The following ROR1 variants were observed in gnomAD, a reference collection of about 807,000 sequenced individuals.
ROR1 encodes the protein ROR family WNT receptor 1, also known as inactive tyrosine-protein kinase transmembrane receptor ROR1.
ROR1 carries 19 observed loss-of-function variants against 78.8 expected under a neutral mutation model. The observed-to-expected ratio is 0.24, with a 90% CI of 0.17 to 0.35. ROR1 has a LOEUF of 0.35. ROR1 is among the 10% of genes least tolerant of loss of function. The pLI, the probability that ROR1 is intolerant of heterozygous loss-of-function variation, is 1.00. For missense variants in ROR1, 917 were observed against 1,177.8 expected (o/e 0.78, Z 3.24); for synonymous variants, 386 against 433.6 (o/e 0.89, Z 1.36).
chr1:63,865,000 G>C (rs1240244311), intron 1 of ROR1, among the ~76,000 whole-genome samples: 1 of 151,924 alleles, frequency 6.6e-6, no homozygotes, highest in East Asian at 1.9e-4. Flanking sequence ...GTTAAGATGA[G>C]TCCTTTCAAA....
chr1:64,002,609 GTGCTTTTTGTAGCATAGT>G (rs1224821184), intron 1 of ROR1, among the ~76,000 whole-genome samples: 1 of 152,106 alleles, frequency 6.6e-6, no homozygotes, highest in African/African-American at 2.4e-5. Context: ...TGTCATTGTG[GTGCTTTTTGTAGCATAGT>G]TTCTTTAAAT....
chr1:63,784,310 T>C (rs1224962838), intron 1 of ROR1, among the ~76,000 whole-genome samples: 1 of 152,220 alleles, frequency 6.6e-6, no homozygotes, highest in African/African-American at 2.4e-5. Context: ...CCCCTTGGAC[T>C]TAGGGCCCAT....
intron 1 of ROR1, among the ~76,000 whole-genome samples, chr1:63,936,247 A>T (rs1256489373): frequency 2.0e-5 from 3 of 152,190 alleles, no homozygotes; most frequent in African/African-American, 7.2e-5. Flanking sequence ...TTCCAAACAC[A>T]TTATCACGGA....
chr1:63,814,512 T>G (rs763039771), intron 1 of ROR1, among the ~76,000 whole-genome samples: 7 of 152,032 alleles, frequency 4.6e-5, no homozygotes, highest in Non-Finnish European at 8.8e-5. Flanking sequence ...TATTGTAATA[T>G]ATAATGAAAT....
intron 1 of ROR1, among the ~76,000 whole-genome samples, chr1:63,779,084 CAG>C (rs2100217758): frequency 6.6e-6 from 1 of 152,330 alleles, no homozygotes; most frequent in Non-Finnish European, 1.5e-5. Flanking sequence ...TGCTGAAACT[CAG>C]AGATAGACTG....
chr1:63,837,927 G>A (rs538446086), intron 1 of ROR1, among the ~76,000 whole-genome samples: 2 of 152,316 alleles, frequency 1.3e-5, no homozygotes, highest in East Asian at 1.9e-4. Context: ...TTCAGTCAGC[G>A]TTAGAACTGC....
intron 1 of ROR1, among the ~76,000 whole-genome samples, chr1:63,970,199 C>T (rs1361009928): frequency 6.6e-6 from 1 of 152,138 alleles, no homozygotes; most frequent in Non-Finnish European, 1.5e-5. Flanking sequence ...TTGGACACCT[C>T]TACTTCCTGT....
chr1:63,834,620 A>T (rs1645009091), intron 1 of ROR1, among the ~76,000 whole-genome samples: 2 of 152,064 alleles, frequency 1.3e-5, no homozygotes, highest in Admixed American at 6.6e-5. Flanking sequence ...CTTAAAATGG[A>T]TTTTTCCAAA....
At chr1:63,972,478 G>T (rs1416201550) in intron 1 of ROR1, among the ~76,000 whole-genome samples, 1 of 152,080 alleles carries the variant, frequency 6.6e-6, no homozygotes, top group Non-Finnish European at 1.5e-5. Context: ...GCTCAGTAAG[G>T]TTTTTTTATT....
chr1:64,012,673 C>T (rs1426083303), intron 2 of ROR1, among the ~76,000 whole-genome samples: 1 of 152,132 alleles, frequency 6.6e-6, no homozygotes, highest in Non-Finnish European at 1.5e-5. Flanking sequence ...TAAGGGTTAG[C>T]AGACAAAACA....
chr1:64,085,945 G>C (rs555496619), intron 4 of ROR1, among the ~76,000 whole-genome samples: 1 of 152,158 alleles, frequency 6.6e-6, no homozygotes, highest in Non-Finnish European at 1.5e-5. Flanking sequence ...GGCATGTGCC[G>C]TTGGTTATCA....
At chr1:64,083,915 A>G (rs753368489) in intron 4 of ROR1, among the ~76,000 whole-genome samples, 3 of 152,326 alleles carry the variant, frequency 2.0e-5, no homozygotes, top group South Asian at 4.1e-4. Context: ...AAGAAATGTG[A>G]TGGGGCAAAG....
At chr1:64,020,535 A>G (rs834487) in intron 2 of ROR1, among the ~76,000 whole-genome samples, 136,981 of 152,184 alleles carry the variant, frequency 0.9, 61,887 homozygotes, top group East Asian at 1. Context: ...AATTCCAGCA[A>G]TGATAGGTGC....
chr1:64,003,804 T>C (rs1039237733), intron 1 of ROR1, among the ~76,000 whole-genome samples: 8 of 152,190 alleles, frequency 5.3e-5, no homozygotes, highest in African/African-American at 1.7e-4. Flanking sequence ...GGCGTCTCCA[T>C]TGAGGCACTA....
chr1:64,141,270 C>T (rs1181040157), intron 6 of ROR1, among the ~76,000 whole-genome samples: 3 of 152,148 alleles, frequency 2.0e-5, no homozygotes, highest in Non-Finnish European at 2.9e-5. Flanking sequence ...AATTGGCTCA[C>T]GTGTGGTTCT....
At chr1:64,065,085 A>G (rs887219356) in intron 4 of ROR1, among the ~76,000 whole-genome samples, 2 of 152,230 alleles carry the variant, frequency 1.3e-5, no homozygotes, top group African/African-American at 4.8e-5. Context: ...AAATGGAGAC[A>G]GTAAACTTCT....
intron 1 of ROR1, among the ~76,000 whole-genome samples, chr1:63,847,610 T>C (rs1034597968): frequency 2.0e-5 from 3 of 152,086 alleles, no homozygotes; most frequent in Non-Finnish European, 4.4e-5. Context: ...CTGTCTGCCC[T>C]GCGAGGCTGG....
chr1:63,922,287 T>G (rs1645662044), intron 1 of ROR1, among the ~76,000 whole-genome samples: 1 of 152,242 alleles, frequency 6.6e-6, no homozygotes, highest in Non-Finnish European at 1.5e-5. Flanking sequence ...ATTGTTCCAA[T>G]TTCATAGATG....
intron 1 of ROR1, among the ~76,000 whole-genome samples, chr1:63,864,610 G>C (rs1457052269): frequency 6.6e-6 from 1 of 152,088 alleles, no homozygotes; most frequent in Non-Finnish European, 1.5e-5. Flanking sequence ...GCGTTTGTCA[G>C]CCTAAATCTA....
Sources: gnomAD v4.1 joint callset for allele counts (sites outside exome capture counted in the v4.1 genomes callset) on GRCh38, gnomAD v4.1.1 for gene constraint, MANE v1.5 for transcripts, NCBI Gene and HGNC (gene_info 2026-07-23, HGNC 2026-07-21) for gene names.